The following PCCA variants were observed in gnomAD, a reference collection of about 807,000 sequenced individuals.
PCCA encodes propionyl-CoA carboxylase alpha chain, mitochondrial.
In PCCA, 74 loss-of-function variants were observed where a neutral mutation model predicts 101.3. That is an observed-to-expected ratio of 0.73 (90% CI 0.61 to 0.89). PCCA has a LOEUF of 0.89. Ranked by LOEUF, PCCA falls within the 40% of genes least tolerant of loss-of-function variation. The pLI is 0.00. For synonymous variants in PCCA, 294 were observed against 313.6 expected (o/e 0.94, Z 0.66); for missense variants, 891 against 907.0 (o/e 0.98, Z 0.23).
At chr13:100,451,361 A>C (rs2081212827) in intron 21 of PCCA, among the ~76,000 whole-genome samples, 1 of 152,204 alleles carries the variant, frequency 6.6e-6, no homozygotes, top group East Asian at 1.9e-4. Flanking sequence ...AGCAATAGAT[A>C]ATTCTTCCAG....
chr13:100,446,323 C>T (rs1348023047), intron 20 of PCCA, among the ~76,000 whole-genome samples: 1 of 152,172 alleles, frequency 6.6e-6, no homozygotes, highest in East Asian at 1.9e-4. Context: ...AGCCACCGCA[C>T]CCTGCCCCTG....
intron 4 of PCCA, among the ~76,000 whole-genome samples, chr13:100,124,462 A>C (rs2049750604): frequency 6.6e-6 from 1 of 152,176 alleles, no homozygotes; most frequent in Non-Finnish European, 1.5e-5. Flanking sequence ...CCTGGTGCGC[A>C]CTGTAGTCTC....
chr13:100,308,882 A>G (rs2066679254), intron 15 of PCCA, among the ~76,000 whole-genome samples: 1 of 152,196 alleles, frequency 6.6e-6, no homozygotes, highest in African/African-American at 2.4e-5. Flanking sequence ...AAAATCTTTA[A>G]TGAATAGTTA....
At chr13:100,437,157 G>A (rs1178372858) in intron 20 of PCCA, among the ~76,000 whole-genome samples, 2 of 152,164 alleles carry the variant, frequency 1.3e-5, no homozygotes, top group African/African-American at 4.8e-5. Flanking sequence ...TCAAAGGCTT[G>A]TGCATGCCCT....
chr13:100,295,863 T>TA (rs1423485441), intron 12 of PCCA, among the ~76,000 whole-genome samples: 1 of 152,238 alleles, frequency 6.6e-6, no homozygotes, highest in Non-Finnish European at 1.5e-5. Flanking sequence ...GACTTCTTTT[T>TA]ACATGTTGTG....
intron 21 of PCCA, among the ~76,000 whole-genome samples, chr13:100,453,491 G>A (rs67683615): frequency 2.0e-4 from 17 of 84,704 alleles, no homozygotes; most frequent in Admixed American, 2.4e-4. Flanking sequence ...AAAAAAAAAA[G>A]AAGAAGAAGA....
chr13:100,386,174 A>T (rs1464522946), intron 19 of PCCA, among the ~76,000 whole-genome samples: 1 of 152,202 alleles, frequency 6.6e-6, no homozygotes, highest in African/African-American at 2.4e-5. Flanking sequence ...CATTTGTCCT[A>T]AAACATCACA....
At chr13:100,483,996 C>T (rs2084164623) in intron 21 of PCCA, among the ~76,000 whole-genome samples, 1 of 152,142 alleles carries the variant, frequency 6.6e-6, no homozygotes, top group Admixed American at 6.5e-5. Flanking sequence ...AAAAACAAAA[C>T]CTGAGAGGAA....
chr13:100,422,228 G>C (rs1271524425), intron 19 of PCCA, among the ~76,000 whole-genome samples: 1 of 150,396 alleles, frequency 6.6e-6, no homozygotes, highest in Admixed American at 6.6e-5. Context: ...GAAGGCCTGG[G>C]CTCAAGCAAT....
intron 19 of PCCA, among the ~76,000 whole-genome samples, chr13:100,391,121 G>C (rs1417555581): frequency 6.6e-6 from 1 of 151,982 alleles, no homozygotes; most frequent in African/African-American, 2.4e-5. Context: ...GAGTTCAAGT[G>C]AATCTCCTGC....
At position 100,309,269 on chromosome 13, in the gene PCCA, C is replaced by T. The variant is rs561922911; in HGVS notation, c.1354-564C>T. ...AAAATTAGCTGGGCGTGGTGACACACGCCTGAAATCCCAGCTTCTCGAGAG... is the reference window on the plus strand; with the variant it reads ...AAAATTAGCTGGGCGTGGTGACACATGCCTGAAATCCCAGCTTCTCGAGAG... On this transcript the variant is annotated intron_variant, in intron 15 of 23. Transcript: ENST00000376285. Among the ~76,000 whole-genome samples the T allele has an allele frequency of 1.1e-4, 17 of 152,270 alleles. No homozygotes were observed. The South Asian group carries it at 1.9e-3, about 17-fold the overall frequency.
intron 4 of PCCA, among the ~76,000 whole-genome samples, chr13:100,118,510 A>T (rs935911419): frequency 1.3e-5 from 2 of 152,120 alleles, no homozygotes; most frequent in African/African-American, 4.8e-5. Flanking sequence ...ATAGATTCAG[A>T]TTAAATATTT....
chr13:100,131,245 G>C (rs544637189), intron 4 of PCCA, among the ~76,000 whole-genome samples: 2 of 152,186 alleles, frequency 1.3e-5, no homozygotes, highest in South Asian at 2.1e-4. Context: ...TCTGGTGCCA[G>C]AAGTGTCTCT....
chr13:100,289,316 G>A (rs1009649724), intron 12 of PCCA, among the ~76,000 whole-genome samples: 1 of 151,854 alleles, frequency 6.6e-6, no homozygotes. Context: ...AAAATTATGT[G>A]TGTATGTGTA....
At chr13:100,258,141 G>A (rs1022602433) in intron 9 of PCCA, among the ~76,000 whole-genome samples, 1 of 152,172 alleles carries the variant, frequency 6.6e-6, no homozygotes, top group Non-Finnish European at 1.5e-5. Flanking sequence ...TTTAGAGTGT[G>A]AAATATATTC....
chr13:100,368,640 T>A, intron 19 of PCCA, 66 bp downstream of exon 19: 1 of 990,884 alleles, frequency 1.0e-6, no homozygotes, highest in African/African-American at 1.6e-5. Flanking sequence ...AAGCCATTTT[T>A]AACCTGTTCA....
At chr13:100,305,546 A>C (rs1212335254) in intron 14 of PCCA, among the ~76,000 whole-genome samples, 1 of 152,220 alleles carries the variant, frequency 6.6e-6, no homozygotes, top group Non-Finnish European at 1.5e-5. Context: ...CAGCATTAGC[A>C]AGCATGCTGT....
At chr13:100,247,660 C>T (rs1450171968) in intron 8 of PCCA, among the ~76,000 whole-genome samples, 1 of 151,810 alleles carries the variant, frequency 6.6e-6, no homozygotes, top group Non-Finnish European at 1.5e-5. Context: ...ACTACAGGTG[C>T]CTGCCACCAC....
chr13:100,333,798 A>G (rs2070010189), intron 17 of PCCA, among the ~76,000 whole-genome samples: 1 of 152,188 alleles, frequency 6.6e-6, no homozygotes, highest in South Asian at 2.1e-4. Context: ...TTCACTCAAC[A>G]CAAAAAGTAT....
Sources: allele counts gnomAD v4.1 joint callset (sites outside exome capture counted in the v4.1 genomes callset), GRCh38; gene constraint gnomAD v4.1.1; transcripts MANE v1.5; gene names NCBI Gene and HGNC (gene_info 2026-07-23, HGNC 2026-07-21).